HDAC2: variants seen among roughly 807,000 people sequenced by gnomAD.
HDAC2 encodes the protein histone deacetylase 2.
Under a neutral mutation model 68.5 loss-of-function variants are expected in HDAC2, and 5 were observed. The ratio of observed to expected loss-of-function variants is 0.07; its 90% confidence interval spans 0.04 to 0.15. The LOEUF (loss-of-function observed/expected upper bound fraction) is 0.15. HDAC2 is among the 10% of genes least tolerant of loss of function. HDAC2 has a pLI of 1.00. For synonymous variants in HDAC2, 182 were observed against 191.3 expected (o/e 0.95, Z 0.40); for missense variants, 291 against 600.8 (o/e 0.48, Z 5.39).
At chr6:113,952,966 G>T (rs960674489) in intron 6 of HDAC2, among the ~76,000 whole-genome samples, 3 of 152,146 alleles carry the variant, frequency 2.0e-5, no homozygotes, top group Non-Finnish European at 4.4e-5. Context: ...TAGCAACGTA[G>T]GCTACCATCA....
Position 113,945,997 on chromosome 6 carries a change from A to C in HDAC2, c.982+11T>G. 6.2e-7 allele frequency: 1 copy of C among 1,604,444 alleles called. No individual in the cohort carries two copies. The highest frequency in any genetic ancestry group is 8.5e-7 in the Non-Finnish European group (1 of 1,171,580). On this transcript the variant is annotated intron_variant, in intron 9 of 13. Coordinates refer to ENST00000519065, the MANE Select transcript of HDAC2 (RefSeq NM_001527.4). ...TTCATACAATAAAGATATTGTAATG[A>C]GAACACTTACCATTGGGAATCTCAC...
Position 113,970,850 on chromosome 6 carries a change from C to G in HDAC2, c.52+7G>C, listed in dbSNP as rs1462532522. 6.5e-7 allele frequency: 1 copy of G among 1,538,240 alleles called. No homozygotes were observed. The highest frequency in any genetic ancestry group is 1.4e-5 in the African/African-American group (1 of 72,860). On this transcript the variant is annotated splice_region_variant and intron_variant, in intron 1 of 13. Coordinates refer to ENST00000519065, the MANE Select transcript of HDAC2 (RefSeq NM_001527.4). ...GCGCCCACCCCGACACCGGCCCGGCCGCTCACCGTCGTAGTAGTAGCAGAC... is the reference window on the plus strand; with the variant it reads ...GCGCCCACCCCGACACCGGCCCGGCGGCTCACCGTCGTAGTAGTAGCAGAC...
chr6:113,944,419 C>T lies in HDAC2; in HGVS notation c.1092-9G>A. ...TTTCAAACAAACGCTGTCTAAATTA[C>T]ACATGCAAAGTTTATTAGACAAAAT... On this transcript the variant is annotated splice_polypyrimidine_tract_variant and intron_variant, in intron 10 of 13. Transcript: ENST00000519065. 1 of 1,610,282 alleles carries T rather than the reference C, an allele frequency of 6.2e-7. No individual in the cohort carries two copies. The highest frequency in any genetic ancestry group is 1.1e-5 in the South Asian group (1 of 90,572).
At position 113,954,177 on chromosome 6, in the gene HDAC2, G is replaced by A. The variant is rs933502904; in HGVS notation, c.498-759C>T. On this transcript the variant is annotated intron_variant, in intron 5 of 13. Coordinates refer to ENST00000519065, the MANE Select transcript of HDAC2 (RefSeq NM_001527.4). ...CCAGTGTATACTCATGTCAAAATAAGGGGAAAATGGACTTCTCATGTCATC... is the reference window on the plus strand; with the variant it reads ...CCAGTGTATACTCATGTCAAAATAAAGGGAAAATGGACTTCTCATGTCATC... Among the ~76,000 whole-genome samples, 4 of 152,158 alleles carry A rather than the reference G, an allele frequency of 2.6e-5. No individual in the cohort carries two copies. In the South Asian group the frequency reaches 6.2e-4, roughly 24 times the overall value.
intron 6 of HDAC2, 56 bp downstream of exon 6, chr6:113,953,221 T>C: frequency 7.8e-7 from 1 of 1,289,474 alleles, no homozygotes; most frequent in South Asian, 1.4e-5. Context: ...AAGTATAGGA[T>C]TACTGATCTC....
chr6:113,955,219 CT>C lies in HDAC2; in HGVS notation c.497+793del, dbSNP rs556132247. On this transcript the variant is annotated intron_variant, in intron 5 of 13. Transcript: ENST00000519065. ...TTGACATTTATATACACTTCTAATTCTTTTTTTTTTTTGAGATGGAGTCTCA... is the reference window on the plus strand; with the variant it reads ...TTGACATTTATATACACTTCTAATTCTTTTTTTTTTTGAGATGGAGTCTCA... 5.7e-3 allele frequency among the ~76,000 whole-genome samples: 838 copies of C among 145,816 alleles called. 1 individual carries two copies. Among genetic ancestry groups the C allele is most frequent in the Middle Eastern group, 0.011 (3 of 282 alleles).
chr6:113,962,338 TAAC>T (rs1776704221), intron 1 of HDAC2: 2 of 843,442 alleles, frequency 2.4e-6, no homozygotes, highest in Non-Finnish European at 2.9e-6. Flanking sequence ...TCTTAAGTAA[TAAC>T]AACAGGGAAT....
chr6:113,970,660 C>T, intron 1 of HDAC2, 197 bp downstream of exon 1: 1 of 1,351,440 alleles, frequency 7.4e-7, no homozygotes, highest in Non-Finnish European at 9.4e-7. Flanking sequence ...CTGATTCCCG[C>T]CCGCAGGAAC....
rs1440197522 is a variant in HDAC2, at chr6:113,961,370, G to C, written c.53-1352C>G. Among the ~76,000 whole-genome samples the C allele has an allele frequency of 2.0e-5, 3 of 152,044 alleles. No individual in the cohort carries two copies. In the East Asian group the frequency reaches 5.8e-4, roughly 29 times the overall value. ...CATGCTTCTAATAACATAAATACTT[G>C]ATTTTGTTGGTATCACACCTCTAAT... On this transcript the variant is annotated intron_variant, in intron 1 of 13. Transcript: ENST00000519065.
intron 8 of HDAC2, chr6:113,947,920 C>T (rs955732748): frequency 6.6e-6 from 1 of 152,136 alleles, no homozygotes; most frequent in African/African-American, 2.4e-5. Flanking sequence ...TTCTCCACAT[C>T]TTAGAGAATA....
rs992649697 is a variant in HDAC2 at position 113,940,154 on chromosome 6, TAC to T, written c.*902_*903del. 2.6e-5 allele frequency: 4 copies of T among 152,306 alleles called. No homozygotes were observed. Among genetic ancestry groups the T allele is most frequent in the African/African-American group, 9.6e-5 (4 of 41,576 alleles). The allele number at this position is 152,306 out of a possible 1,614,324, so 9.4% of individuals were successfully genotyped here. ...TTTCCATTATATTCAGTTACACTCC[TAC>T]AGTCTTAAAATGGGCAGACACACAA... On this transcript the variant is annotated 3_prime_UTR_variant, in exon 14 of 14. Transcript: ENST00000519065.
intron 12 of HDAC2, among the ~76,000 whole-genome samples, chr6:113,942,401 T>C (rs887506866): frequency 2.0e-5 from 3 of 147,486 alleles, no homozygotes; most frequent in African/African-American, 7.6e-5. Context: ...ACTAAATGTG[T>C]CAGATGTTAT....
chr6:113,959,077 T>C (rs1776620825), intron 2 of HDAC2, among the ~76,000 whole-genome samples: 1 of 152,118 alleles, frequency 6.6e-6, no homozygotes, highest in African/African-American at 2.4e-5. Flanking sequence ...CTTTCTCTCC[T>C]TTTCCATGAT....
chr6:113,943,899 A>G (rs1161610051), intron 11 of HDAC2, among the ~76,000 whole-genome samples: 2 of 152,258 alleles, frequency 1.3e-5, no homozygotes, highest in Admixed American at 1.3e-4. Flanking sequence ...TAGACAGTCT[A>G]TACCATTACA....
In HDAC2 at chr6:113,939,131, C is replaced by A. The variant is rs921834698; in HGVS notation, c.*1927G>T. On this transcript the variant is annotated 3_prime_UTR_variant, in exon 14 of 14. Coordinates refer to ENST00000519065, the MANE Select transcript of HDAC2 (RefSeq NM_001527.4). ...GAGCTCAGTTTCCGTCTTCACTGTTCCATCTCCTCCATCCACTACTCCAGG... is the reference window on the plus strand; with the variant it reads ...GAGCTCAGTTTCCGTCTTCACTGTTACATCTCCTCCATCCACTACTCCAGG... 1 of 152,202 alleles carries A rather than the reference C, an allele frequency of 6.6e-6. No homozygotes were observed. Among genetic ancestry groups the A allele is most frequent in the Non-Finnish European group, 1.5e-5 (1 of 68,060 alleles). The allele number at this position is 152,202 out of a possible 1,614,324, so 9.4% of individuals were successfully genotyped here.
chr6:113,945,918 T>C, intron 9 of HDAC2, 90 bp downstream of exon 9: 2 of 977,810 alleles, frequency 2.0e-6, no homozygotes, highest in East Asian at 2.4e-5. Flanking sequence ...CAACTTATGA[T>C]GGGTTTATCA....
intron 1 of HDAC2, chr6:113,962,369 A>G: frequency 1.1e-6 from 1 of 913,674 alleles, no homozygotes; most frequent in Non-Finnish European, 1.3e-6. Flanking sequence ...ACACTTACAG[A>G]TTCACTAGAA....
chr6:113,959,867 A>G (rs1776640862), intron 2 of HDAC2, 39 bp downstream of exon 2: 1 of 846,966 alleles, frequency 1.2e-6, no homozygotes, highest in African/African-American at 1.7e-5. Flanking sequence ...AAAAAATAAA[A>G]AAGATCAGTG....
intron 1 of HDAC2, among the ~76,000 whole-genome samples, chr6:113,963,714 T>A (rs1279048038): frequency 6.6e-6 from 1 of 152,142 alleles, no homozygotes; most frequent in Non-Finnish European, 1.5e-5. Flanking sequence ...AGAATTCAGA[T>A]AAAGGATATT....
Sources: gnomAD v4.1 joint callset for allele counts (sites outside exome capture counted in the v4.1 genomes callset) on GRCh38, gnomAD v4.1.1 for gene constraint, MANE v1.5 for transcripts, NCBI Gene and HGNC (gene_info 2026-07-23, HGNC 2026-07-21) for gene names.